The following ABHD11 variants were observed in gnomAD, a reference collection of about 807,000 sequenced individuals.
ABHD11 encodes the protein abhydrolase domain containing 11.
ABHD11 carries 26 observed loss-of-function variants against 29.0 expected under a neutral mutation model. That is an observed-to-expected ratio of 0.90 (90% CI 0.66 to 1.24). ABHD11 has a LOEUF of 1.24. ABHD11 is among the 50% of genes most tolerant of loss of function. ABHD11 has a pLI of 0.00. For synonymous variants in ABHD11, 169 were observed against 166.4 expected, an observed-to-expected ratio of 1.02 and a Z score of -0.12; for missense variants, 381 against 422.4, an observed-to-expected ratio of 0.90 and a Z score of 0.86.
At chr7:73,737,445 G>C in intron 3 of ABHD11, 54 bp from the exon 4 acceptor site, 1 of 1,576,950 alleles carries the variant, frequency 6.3e-7, no homozygotes, top group Non-Finnish European at 8.6e-7. Context: ...GGGAGTCTCA[G>C]GCATGGCTCC....
intron 4 of ABHD11, 34 bp from the exon 5 acceptor site, chr7:73,737,144 G>T (rs1554622120): frequency 6.2e-7 from 1 of 1,613,504 alleles, no homozygotes. Flanking sequence ...GAGGTTCCTT[G>T]TGCGGTCTGG....
Position 73,737,134 on chromosome 7 carries a change from G to A in ABHD11, c.607-24C>T, listed in dbSNP as rs368659985. ...TCCTGTGGGGGTGCAGCAGTTGGGG[G>A]AGGTTCCTTGTGCGGTCTGGGGGTG... On this transcript the variant is annotated intron_variant, in intron 4 of 5. Transcript: ENST00000222800. The A allele has an allele frequency of 6.2e-6, 10 of 1,613,512 alleles. No individual in the cohort carries two copies. The African/African-American group carries it at 1.2e-4, about 19-fold the overall frequency.
rs199981712 is a variant in ABHD11 at position 73,736,637 on chromosome 7, C to A, written c.843G>T (p.Thr281=). 1 of 1,614,002 alleles carries A rather than the reference C, an allele frequency of 6.2e-7. No individual in the cohort carries two copies. The highest frequency in any genetic ancestry group is 1.7e-5 in the Admixed American group (1 of 60,010). ...MRLFPRAQMQ[T]VPNAGHWIHA... is the part of the protein sequence containing the mutation. ...GGATCCAGTGGCCAGCGTTCGGCAC[C>A]GTCTGCATCTGGGCCCGAGGGAAGA... The change falls in exon 6 of 6, where the codon ACG becomes ACT. Residue 281 remains threonine (T), a synonymous_variant. Transcript: ENST00000222800.
chr7:73,737,983 A>G, intron 2 of ABHD11: 1 of 767,984 alleles, frequency 1.3e-6, no homozygotes, highest in South Asian at 1.5e-5. Flanking sequence ...GCAATCTCGG[A>G]GAATGCCAGG....
In ABHD11 at chr7:73,738,331, A is replaced by G; in HGVS notation, c.258T>C (p.Arg86=). ...IAKILAQQTG[R]RVLTVDARNH... The stretch of plus-strand genomic sequence containing the variant: ...CCCCGCCCACTCGAAAGCTCACCCT[A>G]CGGCCTGTCTGCTGGGCCAAGATCT... Residue 86 remains arginine, a synonymous_variant, in exon 2 of 6, where the codon CGT becomes CGC. Coordinates refer to ENST00000222800, the MANE Select transcript of ABHD11 (RefSeq NM_148912.4). 1 of 1,606,172 alleles carries G rather than the reference A, an allele frequency of 6.2e-7. No homozygotes were observed. Among genetic ancestry groups the G allele is most frequent in the South Asian group, 1.1e-5 (1 of 90,726 alleles).
Position 73,736,592 on chromosome 7 carries a change from G to A in ABHD11, c.888C>T (p.Asp296=). ...GHWIHADRPQ[D]FIAAIRGFLV ...GGAAGCCTCGGATGGCAGCTATGAA[G>A]TCCTGTGGGCGGTCAGCGTGGATCC... Residue 296 remains aspartate, a synonymous_variant, in exon 6 of 6, where the codon GAC becomes GAT. Coordinates refer to ENST00000222800, the MANE Select transcript of ABHD11 (RefSeq NM_148912.4). 1 of 1,614,038 alleles carries A rather than the reference G, an allele frequency of 6.2e-7. No individual in the cohort carries two copies. The highest frequency in any genetic ancestry group is 8.5e-7 in the Non-Finnish European group (1 of 1,180,026).
In ABHD11 at chr7:73,737,549, A is replaced by G; in HGVS notation, c.435+13T>C. The G allele has an allele frequency of 1.3e-6, 2 of 1,589,432 alleles. No individual in the cohort carries two copies. The highest frequency in any genetic ancestry group is 1.7e-6 in the Non-Finnish European group (2 of 1,168,314). Reference sequence around the variant, plus strand: ...TACTGAATGGGAGGAGGCCCCAGACATGGGCGGCTCACCCTCTGTAGTGCC... The same window carrying G: ...TACTGAATGGGAGGAGGCCCCAGACGTGGGCGGCTCACCCTCTGTAGTGCC... On this transcript the variant is annotated intron_variant, in intron 3 of 5. Transcript: ENST00000222800.
chr7:73,738,269 C>A lies in ABHD11; in HGVS notation c.261+59G>T, dbSNP rs3763433. The A allele has an allele frequency of 6.0e-3, 8,213 of 1,363,446 alleles. 441 individuals carry two copies. The African/African-American group carries it at 0.1, about 17-fold the overall frequency. 84.5% of individuals were successfully genotyped at this position (1,363,446 alleles called of 1,614,324 possible). On this transcript the variant is annotated intron_variant, in intron 2 of 5. Coordinates refer to ENST00000222800, the MANE Select transcript of ABHD11 (RefSeq NM_148912.4). ...CGGGACCCCCCCTGCCCCGCCTCCT[C>A]TCAGGCCCCGCCCACTCCCGCCCAG...
At position 73,738,657 on chromosome 7, in the gene ABHD11, G is replaced by C; in HGVS notation, c.114C>G (p.Gly38=). The change falls in exon 1 of 6, where the codon GGC becomes GGG. Residue 38 remains glycine, a synonymous_variant. Transcript: ENST00000222800. ...TGCCCTTGACTGACCTCGGCTCGGC[G>C]CCCCCTCGGCCGCCGCTGCTGCTGC... The part of the protein sequence containing the change: ...APSSSSGGRG[G]AEPRPLPLSY... The C allele has an allele frequency of 6.3e-7, 1 of 1,592,928 alleles. No individual in the cohort carries two copies. The highest frequency in any genetic ancestry group is 8.5e-7 in the Non-Finnish European group (1 of 1,172,388).
intron 5 of ABHD11, 104 bp from the exon 6 acceptor site, chr7:73,736,795 G>A (rs1244526393): frequency 4.4e-6 from 7 of 1,587,082 alleles, no homozygotes; most frequent in African/African-American, 2.7e-5. Context: ...AGAGCTGTGT[G>A]AGCCCATATG....
At chr7:73,737,416 C>A in intron 3 of ABHD11, 25 bp from the exon 4 acceptor site, 1 of 1,600,898 alleles carries the variant, frequency 6.2e-7, no homozygotes, top group Non-Finnish European at 8.5e-7. Flanking sequence ...CGAACTGGGA[C>A]CAGTCTTAGG....
In ABHD11 at chr7:73,737,741, G is replaced by A. The variant is rs782274477; in HGVS notation, c.262-6C>T. 2 of 1,607,416 alleles carry A rather than the reference G, an allele frequency of 1.2e-6. No individual in the cohort carries two copies. The highest frequency in any genetic ancestry group is 2.2e-5 in the East Asian group (1 of 44,846). On this transcript the variant is annotated splice_polypyrimidine_tract_variant and splice_region_variant and intron_variant, in intron 2 of 5. Transcript: ENST00000222800. ...CGAGCATCCACCGTCAGCACCTGGG[G>A]AGTGGGGTGAGACGGGGCTGCGTTG...
At chr7:73,737,521 A>G in intron 3 of ABHD11, 41 bp downstream of exon 3, 9 of 1,571,650 alleles carry the variant, frequency 5.7e-6, no homozygotes, top group Non-Finnish European at 7.8e-6. Context: ...CCCTCAGGGT[A>G]TATACTGAAT....
Position 73,736,517 on chromosome 7 carries a change from G to A in ABHD11, c.*42C>T, listed in dbSNP as rs2130306144. On this transcript the variant is annotated 3_prime_UTR_variant, in exon 6 of 6. Coordinates refer to ENST00000222800, the MANE Select transcript of ABHD11 (RefSeq NM_148912.4). Reference sequence around the variant, plus strand: ...AGCCTCCCAAAGTGCTGGAATTACAGGCATGAGCCACCACGCCCGGCCATC... The same window carrying A: ...AGCCTCCCAAAGTGCTGGAATTACAAGCATGAGCCACCACGCCCGGCCATC... The A allele has an allele frequency of 6.2e-7, 1 of 1,609,680 alleles. No homozygotes were observed. Among genetic ancestry groups the A allele is most frequent in the South Asian group, 1.1e-5 (1 of 90,968 alleles).
chr7:73,737,930 C>T (rs1800090012), intron 2 of ABHD11, 195 bp from the exon 3 acceptor site: 1 of 940,952 alleles, frequency 1.1e-6, no homozygotes, highest in Admixed American at 2.0e-5. Flanking sequence ...GAGCAGGCCC[C>T]AGGGTTGTGA....
At chr7:73,738,301 A>T in intron 2 of ABHD11, 27 bp downstream of exon 2, 1 of 1,596,086 alleles carries the variant, frequency 6.3e-7, no homozygotes, top group Non-Finnish European at 8.6e-7. Context: ...CCAGCCCCAA[A>T]GGAGCCCCGC....
At position 73,737,732 on chromosome 7, in the gene ABHD11, G is replaced by C; in HGVS notation, c.265C>G (p.Leu89Val). The change falls in exon 3 of 6, where the codon CTG becomes GTG. Residue 89 changes from leucine (L) to valine (V), a missense_variant. Transcript: ENST00000222800. ...ILAQQTGRRV[L>V]TVDARNHGDS... ...CCGTGGTTACGAGCATCCACCGTCA[G>C]CACCTGGGGAGTGGGGTGAGACGGG... 3.7e-6 allele frequency: 6 copies of C among 1,609,724 alleles called. No homozygotes were observed. The highest frequency in any genetic ancestry group is 1.7e-4 in the Middle Eastern group (1 of 6,040).
Position 73,738,410 on chromosome 7 carries a change from ACGGCCGGGAGGG to A in ABHD11, c.167_178del (p.Ala56_Ala59del), listed in dbSNP as rs782453027. The A allele has an allele frequency of 6.2e-7, 1 of 1,612,030 alleles. No individual in the cohort carries two copies. Among genetic ancestry groups the A allele is most frequent in the Non-Finnish European group, 8.5e-7 (1 of 1,179,148 alleles). On this transcript the variant is annotated inframe_deletion, in exon 2 of 6. Coordinates refer to ENST00000222800, the MANE Select transcript of ABHD11 (RefSeq NM_148912.4). ...GCCGAAGAGCCCGTGCAAAAAGACG[ACGGCCGGGAGGG>A]CTGCCTCCCCGTCCAGAAGCCTGTA...
In ABHD11 at chr7:73,737,401, A is replaced by G. The variant is rs1554622289; in HGVS notation, c.436-10T>C. On this transcript the variant is annotated splice_polypyrimidine_tract_variant and intron_variant, in intron 3 of 5. Transcript: ENST00000222800. ...GTTCCACCAGCTCTGGCTGTGGGAG[A>G]GAACCGAACTGGGACCAGTCTTAGG... 6.2e-7 allele frequency: 1 copy of G among 1,607,882 alleles called. No homozygotes were observed. The highest frequency in any genetic ancestry group is 8.5e-7 in the Non-Finnish European group (1 of 1,176,712).
Sources: gnomAD v4.1 joint callset for allele counts on GRCh38, gnomAD v4.1.1 for gene constraint, MANE v1.5 for transcripts, NCBI Gene and HGNC (gene_info 2026-07-23, HGNC 2026-07-21) for gene names.